The following SEMA6A variants were observed in gnomAD, a reference collection of about 807,000 sequenced individuals.
SEMA6A encodes semaphorin-6A.
A neutral mutation model predicts 96.8 loss-of-function variants in SEMA6A; 25 were observed. The ratio of observed to expected loss-of-function variants is 0.26; its 90% CI spans 0.19 to 0.36. The LOEUF (loss-of-function observed/expected upper bound fraction) is 0.36. Ranked by LOEUF, SEMA6A falls within the 10% of genes least tolerant of loss-of-function variation. The pLI is 1.00. For missense variants in SEMA6A, 1,363 were observed against 1,323.1 expected (o/e 1.03, Z -0.47); for synonymous variants, 612 against 518.0 (o/e 1.18, Z -2.46).
chr5:116,485,752 A>T (rs945891724), intron 10 of SEMA6A, among the ~76,000 whole-genome samples: 1 of 152,252 alleles, frequency 6.6e-6, no homozygotes, highest in African/African-American at 2.4e-5. Context: ...CTAGAGGAAC[A>T]TACTCAATAC....
At chr5:116,463,279 G>A (rs182708734) in intron 18 of SEMA6A, among the ~76,000 whole-genome samples, 10 of 152,300 alleles carry the variant, frequency 6.6e-5, no homozygotes, top group African/African-American at 2.2e-4. Flanking sequence ...TACTCTTGAA[G>A]GCCATCACAT....
rs897928627 is a variant in SEMA6A at position 116,447,381 on chromosome 5, G to A, written c.2325C>T (p.Arg775=). ...TGAGGTTCTGGTTCCTCTCCCACTC[G>A]CGGCTGCCGCGGCTGGGCTTCCGCT... ...QQKRKPSRGS[R]EWERNQNLIN... Residue 775 remains arginine, a synonymous_variant, in exon 19 of 19, where the codon CGC becomes CGT. Coordinates refer to ENST00000343348, the MANE Select transcript of SEMA6A (RefSeq NM_020796.5). The A allele has an allele frequency of 1.2e-6, 2 of 1,614,018 alleles. No homozygotes were observed. Among genetic ancestry groups the A allele is most frequent in the Non-Finnish European group, 8.5e-7 (1 of 1,179,902 alleles).
intron 1 of SEMA6A, among the ~76,000 whole-genome samples, chr5:116,526,189 T>C (rs899215902): frequency 6.6e-6 from 1 of 152,156 alleles, no homozygotes; most frequent in Admixed American, 6.6e-5. Context: ...CTATGGTTTT[T>C]CTTTTCAATC....
At position 116,480,285 on chromosome 5, in the gene SEMA6A, GA is replaced by G. The variant is rs1490458941; in HGVS notation, c.1095-9del. On this transcript the variant is annotated splice_polypyrimidine_tract_variant and intron_variant, in intron 11 of 18. Coordinates refer to ENST00000343348, the MANE Select transcript of SEMA6A (RefSeq NM_020796.5). ...CCAGCACAGCAACCTGGCCTAAAAT[GA>G]AACAAAGGGTGAGGAAGGAGGGAGC... The G allele has an allele frequency of 1.2e-6, 2 of 1,613,248 alleles. No individual in the cohort carries two copies. The highest frequency in any genetic ancestry group is 2.7e-5 in the African/African-American group (2 of 74,932).
At chr5:116,497,541 G>A (rs1757661259) in intron 3 of SEMA6A, among the ~76,000 whole-genome samples, 154 bp from the exon 4 acceptor site, 1 of 152,194 alleles carries the variant, frequency 6.6e-6, no homozygotes, top group Non-Finnish European at 1.5e-5. Context: ...TTCAAGAGAT[G>A]TCTCCGGATC....
At chr5:116,477,093 C>G (rs1348926130) in intron 15 of SEMA6A, among the ~76,000 whole-genome samples, 2 of 152,220 alleles carry the variant, frequency 1.3e-5, no homozygotes, top group Non-Finnish European at 2.9e-5. Context: ...AAGATCTGTG[C>G]TGTCTAACCT....
Position 116,445,006 on chromosome 5 carries a change from TGA to T in SEMA6A, c.*1605_*1606del, listed in dbSNP as rs1754097265. On this transcript the variant is annotated 3_prime_UTR_variant, in exon 19 of 19. Coordinates refer to ENST00000343348, the MANE Select transcript of SEMA6A (RefSeq NM_020796.5). ...GAGCTCTTGAGGATGAAAGGGGATT[TGA>T]CACACCCACAACAACACTGGGGTCC... is the stretch of plus-strand genomic sequence containing the variant. 1 of 152,694 alleles carries T rather than the reference TGA, an allele frequency of 6.5e-6. No individual in the cohort carries two copies. The highest frequency in any genetic ancestry group is 2.4e-5 in the African/African-American group (1 of 41,446). 9.5% of individuals were successfully genotyped at this position (152,694 alleles called of 1,614,324 possible).
At chr5:116,486,396 G>A (rs1367295518) in intron 10 of SEMA6A, among the ~76,000 whole-genome samples, 1 of 152,104 alleles carries the variant, frequency 6.6e-6, no homozygotes, top group Non-Finnish European at 1.5e-5. Context: ...AGACCAGGTA[G>A]TATAATATGT....
rs561583894 is a variant in SEMA6A at position 116,477,880 on chromosome 5, C to A, written c.1615G>T (p.Gly539Cys). 1.9e-6 allele frequency: 3 copies of A among 1,613,988 alleles called. No individual in the cohort carries two copies. Among genetic ancestry groups the A allele is most frequent in the South Asian group, 1.1e-5 (1 of 91,088 alleles). Reference protein sequence around the residue: ...RDPYCGWIKEGGACSHLSPNS... With the variant: ...RDPYCGWIKECGACSHLSPNS... ...GGTGATAAATGGCTGCAGGCACCACCTTCCTTTATCCATCCACAATATGGG... is the reference window on the plus strand; with the variant it reads ...GGTGATAAATGGCTGCAGGCACCACATTCCTTTATCCATCCACAATATGGG... Residue 539 changes from glycine (G) to cysteine (C), a missense_variant, in exon 15 of 19, where the codon GGT becomes TGT. By Grantham distance (159) the Gly-to-Cys change is radical. Coordinates refer to ENST00000343348, the MANE Select transcript of SEMA6A (RefSeq NM_020796.5).
In SEMA6A at chr5:116,447,137, C is replaced by T; in HGVS notation, c.2569G>A (p.Glu857Lys). ...AATLEYKTIKEHLSSKSPNHG... is the reference protein window; with the variant it reads ...AATLEYKTIKKHLSSKSPNHG... ...TTGGGACTCTTGCTGCTGAGATGTTCCTTGATGGTCTTATACTCCAGTGTG... is the reference window on the plus strand; with the variant it reads ...TTGGGACTCTTGCTGCTGAGATGTTTCTTGATGGTCTTATACTCCAGTGTG... Residue 857 changes from glutamate to lysine, a missense_variant, in exon 19 of 19, where the codon GAA becomes AAA. Physicochemically the swap from Glu to Lys is moderately conservative, Grantham distance 56. Transcript: ENST00000343348. 1 of 1,613,962 alleles carries T rather than the reference C, an allele frequency of 6.2e-7. No individual in the cohort carries two copies. The highest frequency in any genetic ancestry group is 8.5e-7 in the Non-Finnish European group (1 of 1,179,888).
At chr5:116,458,633 A>T (rs967340084) in intron 18 of SEMA6A, among the ~76,000 whole-genome samples, 1 of 152,166 alleles carries the variant, frequency 6.6e-6, no homozygotes, top group African/African-American at 2.4e-5. Context: ...AAAAAATAAA[A>T]GGTTAGTGGT....
At chr5:116,573,361 G>A (rs1365066848) in intron 1 of SEMA6A, among the ~76,000 whole-genome samples, 1 of 151,756 alleles carries the variant, frequency 6.6e-6, no homozygotes, top group Non-Finnish European at 1.5e-5. Flanking sequence ...CGTACCGTGC[G>A]CCAGCCCGGT....
chr5:116,461,617 G>A (rs1163067507), intron 18 of SEMA6A, among the ~76,000 whole-genome samples: 1 of 152,144 alleles, frequency 6.6e-6, no homozygotes, highest in Non-Finnish European at 1.5e-5. Flanking sequence ...TATTGGTACT[G>A]AGGGAAAGAA....
intron 17 of SEMA6A, 147 bp downstream of exon 17, chr5:116,472,926 G>C: frequency 6.6e-7 from 1 of 1,524,308 alleles, no homozygotes; most frequent in Middle Eastern, 1.7e-4. Flanking sequence ...TGGTAGAGGA[G>C]TTGAAATGTC....
At chr5:116,471,738 C>G (rs538676268) in intron 17 of SEMA6A, 5 of 152,262 alleles carry the variant, frequency 3.3e-5, no homozygotes, top group South Asian at 4.1e-4. Context: ...CTACACAGCT[C>G]CAATGTATAA....
chr5:116,455,183 G>C (rs1754931929), intron 18 of SEMA6A, among the ~76,000 whole-genome samples: 1 of 152,162 alleles, frequency 6.6e-6, no homozygotes, highest in Non-Finnish European at 1.5e-5. Flanking sequence ...GGAACGCTCA[G>C]TTCACTGTTC....
intron 18 of SEMA6A, among the ~76,000 whole-genome samples, chr5:116,450,275 C>A (rs1440708784): frequency 6.6e-6 from 1 of 151,688 alleles, no homozygotes. Flanking sequence ...GTGTTTTTTT[C>A]ATGGCAATGA....
At chr5:116,501,938 G>A (rs551068601) in intron 3 of SEMA6A, among the ~76,000 whole-genome samples, 1 of 152,288 alleles carries the variant, frequency 6.6e-6, no homozygotes, top group Admixed American at 6.5e-5. Context: ...ATGGGTGCTT[G>A]AATAAATATT....
intron 18 of SEMA6A, among the ~76,000 whole-genome samples, chr5:116,465,408 A>G (rs1298174924): frequency 6.6e-6 from 1 of 152,248 alleles, no homozygotes; most frequent in Admixed American, 6.5e-5. Context: ...ATTAAGCTAC[A>G]TCTTTTCTTT....
Sources: gnomAD v4.1 joint callset for allele counts (sites outside exome capture counted in the v4.1 genomes callset) on GRCh38, gnomAD v4.1.1 for gene constraint, MANE v1.5 for transcripts, NCBI Gene and HGNC (gene_info 2026-07-23, HGNC 2026-07-21) for gene names.